Variants in TARBP1 observed in about 807,000 individuals in gnomAD.
TARBP1 encodes the protein tRNA (guanosine(18)-2'-O)-methyltransferase TARBP1.
TARBP1 carries 144 observed loss-of-function variants against 178.6 expected under a neutral mutation model. The ratio of observed to expected loss-of-function variants is 0.81; its 90% confidence interval spans 0.70 to 0.93. The LOEUF is 0.93. TARBP1 is among the 40% of genes least tolerant of loss of function. The pLI, the probability that TARBP1 is intolerant of heterozygous loss-of-function variation, is 0.00. For missense variants in TARBP1, 2,067 were observed against 2,011.7 expected (o/e 1.03, Z -0.53); for synonymous variants, 787 against 781.0 (o/e 1.01, Z -0.13).
At chr1:234,411,069 C>CA (rs562687944) in intron 22 of TARBP1, among the ~76,000 whole-genome samples, 241 of 150,408 alleles carry the variant, frequency 1.6e-3, no homozygotes, top group Non-Finnish European at 2.2e-3. Context: ...GACCCTGTCT[C>CA]AAAAAAAAAC....
intron 9 of TARBP1, 72 bp downstream of exon 9, chr1:234,457,595 T>C (rs1667416134): frequency 5.4e-6 from 5 of 930,942 alleles, no homozygotes; most frequent in Non-Finnish European, 8.0e-6. Context: ...TATAAATGGC[T>C]ACTAAGAAAT....
At chr1:234,425,335 G>A (rs990214240) in intron 20 of TARBP1, among the ~76,000 whole-genome samples, 2 of 152,178 alleles carry the variant, frequency 1.3e-5, no homozygotes, top group African/African-American at 4.8e-5. Flanking sequence ...TACCATTATT[G>A]TTCTCTAAAA....
At chr1:234,447,434 G>T (rs1347139383) in intron 11 of TARBP1, among the ~76,000 whole-genome samples, 2 of 121,824 alleles carry the variant, frequency 1.6e-5, no homozygotes, top group East Asian at 5.2e-4. Flanking sequence ...TCACTCTGTC[G>T]CCCAGGCTGG....
intron 20 of TARBP1, among the ~76,000 whole-genome samples, chr1:234,425,037 GACA>G (rs1663562317): frequency 6.7e-6 from 1 of 149,282 alleles, no homozygotes; most frequent in South Asian, 2.1e-4. Flanking sequence ...CTCCAGCCTG[GACA>G]ACAAGAGCGA....
intron 4 of TARBP1, among the ~76,000 whole-genome samples, chr1:234,466,800 T>G (rs1299107494): frequency 6.6e-6 from 1 of 151,712 alleles, no homozygotes; most frequent in East Asian, 1.9e-4. Flanking sequence ...GAAGCGGAGG[T>G]TGCACTGAGC....
intron 14 of TARBP1, among the ~76,000 whole-genome samples, chr1:234,432,743 C>G (rs1462000767): frequency 6.6e-6 from 1 of 152,036 alleles, no homozygotes; most frequent in African/African-American, 2.4e-5. Context: ...TCTAAGTAGC[C>G]TAGAGTGGCT....
Position 234,427,557 on chromosome 1 carries a change from AAAT to A in TARBP1, c.3251+16_3251+18del. 3.2e-6 allele frequency: 5 copies of A among 1,586,374 alleles called. No homozygotes were observed. Among genetic ancestry groups the A allele is most frequent in the Non-Finnish European group, 4.3e-6 (5 of 1,170,850 alleles). ...ACTTAATACAAGTTATGACCAGTTG[AAAT>A]AATAGCATCTTTTACCTTTGATCAC... On this transcript the variant is annotated intron_variant, in intron 18 of 29. Transcript: ENST00000040877.
intron 3 of TARBP1, among the ~76,000 whole-genome samples, chr1:234,469,612 T>C (rs988663622): frequency 6.6e-6 from 1 of 152,232 alleles, no homozygotes; most frequent in East Asian, 1.9e-4. Flanking sequence ...ACTGTAATTA[T>C]CTAGAGTAGG....
intron 25 of TARBP1, among the ~76,000 whole-genome samples, chr1:234,399,228 T>C (rs905282758): frequency 2.6e-5 from 4 of 152,190 alleles, no homozygotes; most frequent in African/African-American, 7.2e-5. Context: ...AACAAGTACA[T>C]AGGAAGCAGA....
At chr1:234,446,998 A>G in intron 11 of TARBP1, 23 bp from the exon 12 acceptor site, 2 of 1,609,526 alleles carry the variant, frequency 1.2e-6, no homozygotes, top group Non-Finnish European at 1.7e-6. Flanking sequence ...AGACATGCCA[A>G]AATCAACCAT....
At chr1:234,415,472 C>T (rs1662317580) in intron 22 of TARBP1, among the ~76,000 whole-genome samples, 2 of 152,202 alleles carry the variant, frequency 1.3e-5, no homozygotes, top group South Asian at 4.2e-4. Flanking sequence ...GACAACTGCC[C>T]CTTTCTTTGA....
chr1:234,450,282 T>C, intron 10 of TARBP1, 146 bp downstream of exon 10: 1 of 570,938 alleles, frequency 1.8e-6, no homozygotes, highest in South Asian at 3.0e-5. Context: ...TTACTTTTTT[T>C]TCACATTATT....
rs751902530 is a variant in TARBP1, at chr1:234,437,227, AAAAGAATG to A, written c.2232+40_2232+47del. On this transcript the variant is annotated intron_variant, in intron 13 of 29. Transcript: ENST00000040877. ...GTCAGTAATCACTCAAATATTGGTG[AAAAGAATG>A]AAAGAAATGAAAAAGAAAGTTATTC... 111 of 1,024,414 alleles carry A rather than the reference AAAAGAATG, an allele frequency of 1.1e-4. 3 individuals carry two copies. In the Middle Eastern group the frequency reaches 0.01, roughly 92 times the overall value. The allele number at this position is 1,024,414 out of a possible 1,614,324, so 63.5% of individuals were successfully genotyped here.
chr1:234,423,991 T>C (rs1660255847), intron 20 of TARBP1, among the ~76,000 whole-genome samples: 1 of 152,194 alleles, frequency 6.6e-6, no homozygotes, highest in Admixed American at 6.5e-5. Context: ...CTACTCATCT[T>C]TTAGAAAACC....
rs531256921 is a variant in TARBP1, at chr1:234,465,710, T to TAAAAAAAA, written c.1249-10_1249-3dup. On this transcript the variant is annotated splice_polypyrimidine_tract_variant and splice_region_variant and intron_variant, in intron 4 of 29. Coordinates refer to ENST00000040877, the MANE Select transcript of TARBP1 (RefSeq NM_005646.4). ...ATCCATTAATGGTCCAATAATAAACTAAAAAAAAAAAAAAAAAAAGACACG... is the reference window on the plus strand; with the variant it reads ...ATCCATTAATGGTCCAATAATAAACTAAAAAAAAAAAAAAAAAAAAAAAAAAAGACACG... The TAAAAAAAA allele has an allele frequency of 1.1e-5, 14 of 1,271,418 alleles. No homozygotes were observed. The highest frequency in any genetic ancestry group is 3.7e-5 in the Admixed American group (1 of 26,806). The allele number at this position is 1,271,418 out of a possible 1,614,324, so 78.8% of individuals were successfully genotyped here.
intron 24 of TARBP1, among the ~76,000 whole-genome samples, chr1:234,403,721 T>C (rs183484161): frequency 6.6e-5 from 10 of 152,318 alleles, no homozygotes; most frequent in South Asian, 2.1e-4. Flanking sequence ...TCTTGCTCTG[T>C]TGCCGAGGCT....
At chr1:234,424,650 G>A (rs1442278947) in intron 20 of TARBP1, among the ~76,000 whole-genome samples, 1 of 152,190 alleles carries the variant, frequency 6.6e-6, no homozygotes, top group Non-Finnish European at 1.5e-5. Flanking sequence ...CTGGGGCCAA[G>A]CACAGTAGCT....
At chr1:234,419,816 C>A (rs1258614445) in intron 21 of TARBP1, among the ~76,000 whole-genome samples, 1 of 151,984 alleles carries the variant, frequency 6.6e-6, no homozygotes, top group Non-Finnish European at 1.5e-5. Context: ...AGAAGCAATT[C>A]TTTTAGCTAT....
chr1:234,393,318 G>A (rs760202108), intron 28 of TARBP1, 44 bp downstream of exon 28: 21 of 1,405,926 alleles, frequency 1.5e-5, no homozygotes, highest in African/African-American at 7.1e-5. Context: ...GTACATGTGC[G>A]GGCTTGTTTT....
Sources: allele counts gnomAD v4.1 joint callset (sites outside exome capture counted in the v4.1 genomes callset), GRCh38; gene constraint gnomAD v4.1.1; transcripts MANE v1.5; gene names NCBI Gene and HGNC (gene_info 2026-07-23, HGNC 2026-07-21).